ZNF536: variants seen among roughly 807,000 people sequenced by gnomAD.
The protein encoded by ZNF536 is zinc finger protein 536.
A neutral mutation model predicts 84.5 loss-of-function variants in ZNF536; 13 were observed. The ratio of observed to expected loss-of-function variants is 0.15; its 90% CI spans 0.10 to 0.24. The LOEUF is 0.24. Among genes scored for constraint, ZNF536 ranks in the 10% least tolerant of loss-of-function variants. The pLI is 1.00. For synonymous variants in ZNF536, 811 were observed against 742.5 expected (o/e 1.09, Z -1.50); for missense variants, 1,536 against 1,747.5 (o/e 0.88, Z 2.16).
chr19:30,331,991 A>G (rs1268688330), intron 2 of ZNF536, among the ~76,000 whole-genome samples: 1 of 152,030 alleles, frequency 6.6e-6, no homozygotes, highest in Non-Finnish European at 1.5e-5. Flanking sequence ...TCCCGGGTGA[A>G]CTCAGATATC....
At chr19:30,534,398 G>GACTC (rs2044982733) in intron 2 of ZNF536, among the ~76,000 whole-genome samples, 1 of 152,128 alleles carries the variant, frequency 6.6e-6, no homozygotes, top group Non-Finnish European at 1.5e-5. Context: ...ATGTCTTAGG[G>GACTC]ACTCAGCTGA....
At chr19:30,372,856 A>G (rs1600436880) in intron 1 of ZNF536, among the ~76,000 whole-genome samples, 1 of 129,582 alleles carries the variant, frequency 7.7e-6, no homozygotes, top group Non-Finnish European at 1.6e-5. Flanking sequence ...TGACTGTACC[A>G]AAAGATTTGA....
At chr19:30,302,526 A>G (rs1025730228) in intron 2 of ZNF536, among the ~76,000 whole-genome samples, 1 of 152,162 alleles carries the variant, frequency 6.6e-6, no homozygotes, top group Non-Finnish European at 1.5e-5. Context: ...GTCTGGGTCC[A>G]TGCGGCCACT....
intron 1 of ZNF536, among the ~76,000 whole-genome samples, chr19:30,396,906 A>C (rs997356159): frequency 2.0e-5 from 3 of 152,142 alleles, no homozygotes; most frequent in Non-Finnish European, 4.4e-5. Flanking sequence ...TGCCCAGCCA[A>C]GCAGGCTCTC....
intron 2 of ZNF536, among the ~76,000 whole-genome samples, chr19:30,462,812 G>A (rs796770161): frequency 0.085 from 8,825 of 103,846 alleles, 583 homozygotes; most frequent in South Asian, 0.13. Context: ...ATATGCATTT[G>A]CCTGTGTTGG....
Position 30,548,785 on chromosome 19 carries a change from T to C in ZNF536, c.3166T>C (p.Ser1056Pro), listed in dbSNP as rs2146217790. 6.2e-7 allele frequency: 1 copy of C among 1,613,828 alleles called. No individual in the cohort carries two copies. ...REASKMALLP[S>P]LQSNKDLGLS... ...GGCGAGTAAGATGGCCCTGCTGCCC[T>C]CGTTACAATCAAACAAAGACCTGGG... The change falls in exon 4 of 5, where the codon TCG (serine) becomes CCG (proline). Residue 1056 changes from serine (S) to proline (P), a missense_variant. This residue lies in a region of ZNF536 where 624 missense variants were observed against 603.1 expected (regional missense o/e 1.03). Coordinates refer to ENST00000355537, the MANE Select transcript of ZNF536 (RefSeq NM_014717.3).
chr19:30,410,692 A>G (rs1243426340), intron 1 of ZNF536, among the ~76,000 whole-genome samples: 2 of 151,968 alleles, frequency 1.3e-5, no homozygotes, highest in Non-Finnish European at 2.9e-5. Flanking sequence ...GTTAGCCAGG[A>G]TGGTCTCGAT....
chr19:30,338,206 G>C (rs953047317), intron 2 of ZNF536, among the ~76,000 whole-genome samples: 2 of 151,726 alleles, frequency 1.3e-5, no homozygotes, highest in Admixed American at 1.3e-4. Flanking sequence ...TGATGTTGAT[G>C]GTGGTGGTGA....
At chr19:30,508,128 G>A (rs898514442) in intron 2 of ZNF536, among the ~76,000 whole-genome samples, 31 of 152,210 alleles carry the variant, frequency 2.0e-4, no homozygotes, top group African/African-American at 6.5e-4. Flanking sequence ...TCAGCAAAGG[G>A]GATGGGGCTG....
intron 1 of ZNF536, among the ~76,000 whole-genome samples, chr19:30,587,004 C>T (rs1162901411): frequency 1.3e-5 from 2 of 152,256 alleles, no homozygotes; most frequent in East Asian, 1.9e-4. Context: ...ATAAGGGACT[C>T]TCTAAGAACA....
In ZNF536 at chr19:30,404,047, T is replaced by A. The variant is rs1735018719; in HGVS notation, c.-3+31491T>A. On this transcript the variant is annotated intron_variant, in intron 1 of 4. Transcript: ENST00000355537. ...TTTTTTTTTTTTTTTTTTCTGCTGT[T>A]CATTTAGAATCTCCTCATCACGGTG... 2.0e-5 allele frequency among the ~76,000 whole-genome samples: 3 copies of A among 147,548 alleles called. No homozygotes were observed. In the Admixed American group the frequency reaches 2.0e-4, roughly 10 times the overall value.
intron 1 of ZNF536, among the ~76,000 whole-genome samples, chr19:30,272,593 T>C (rs1186772826): frequency 6.6e-6 from 1 of 152,208 alleles, no homozygotes; most frequent in Non-Finnish European, 1.5e-5. Flanking sequence ...CCTGAACCTC[T>C]GGCAACCCTG....
chr19:30,637,458 G>A (rs2049108831), intron 1 of ZNF536, among the ~76,000 whole-genome samples: 1 of 152,212 alleles, frequency 6.6e-6, no homozygotes, highest in Non-Finnish European at 1.5e-5. Context: ...CTTCTATTTT[G>A]CAACTCTCTG....
chr19:30,648,389 C>T (rs548456694), intron 1 of ZNF536, among the ~76,000 whole-genome samples: 1 of 152,292 alleles, frequency 6.6e-6, no homozygotes, highest in Admixed American at 6.5e-5. Flanking sequence ...AATCAAAAGG[C>T]CAAATCCTTT....
intron 2 of ZNF536, among the ~76,000 whole-genome samples, chr19:30,331,225 AGTGAGCTAT>A (rs2047198929): frequency 1.4e-5 from 2 of 138,754 alleles, no homozygotes; most frequent in Admixed American, 1.6e-4. Flanking sequence ...TTGAGACTGC[AGTGAGCTAT>A]GATCACACCA....
chr19:30,520,103 G>A (rs998672435), intron 2 of ZNF536, among the ~76,000 whole-genome samples: 2 of 152,200 alleles, frequency 1.3e-5, no homozygotes, highest in African/African-American at 4.8e-5. Context: ...GGAACAGTAT[G>A]TGTTGAGATT....
At chr19:30,641,997 C>A (rs553993404) in intron 1 of ZNF536, among the ~76,000 whole-genome samples, 1 of 152,290 alleles carries the variant, frequency 6.6e-6, no homozygotes, top group Non-Finnish European at 1.5e-5. Context: ...TGCAGGAAAA[C>A]CTTTTGAGAA....
At chr19:30,240,389 C>T (rs1467958635) in intron 1 of ZNF536, among the ~76,000 whole-genome samples, 5 of 151,904 alleles carry the variant, frequency 3.3e-5, no homozygotes, top group Non-Finnish European at 7.4e-5. Flanking sequence ...AAAAAAAATC[C>T]AAGGAACTGG....
intron 1 of ZNF536, among the ~76,000 whole-genome samples, chr19:30,645,485 T>C (rs1410023663): frequency 6.6e-6 from 1 of 152,252 alleles, no homozygotes; most frequent in African/African-American, 2.4e-5. Flanking sequence ...TCAGAGGATA[T>C]GACTATTATA....
Sources: gnomAD v4.1 joint callset for allele counts (sites outside exome capture counted in the v4.1 genomes callset) on GRCh38, gnomAD v4.1.1 for gene constraint, gnomAD v4.1.1 regional missense constraint, MANE v1.5 for transcripts, NCBI Gene and HGNC (gene_info 2026-07-23, HGNC 2026-07-21) for gene names.